Variants in C10orf53 observed in about 807,000 individuals in gnomAD.
C10orf53 encodes chromosome 10 open reading frame 53.
A neutral mutation model predicts 9.4 loss-of-function variants in C10orf53; 8 were observed. The ratio of observed to expected loss-of-function variants is 0.85; its 90% CI spans 0.50 to 1.53. C10orf53 has a LOEUF of 1.53. Among genes scored for constraint, C10orf53 ranks in the 40% most tolerant of loss-of-function variants. C10orf53 has a pLI of 0.00. For synonymous variants in C10orf53, 48 were observed against 46.0 expected (o/e 1.04, Z -0.18); for missense variants, 117 against 117.8 (o/e 0.99, Z 0.03).
intron 1 of C10orf53, among the ~76,000 whole-genome samples, chr10:49,691,177 A>AAGTG (rs1230633859): frequency 6.6e-6 from 1 of 152,082 alleles, no homozygotes; most frequent in Non-Finnish European, 1.5e-5. Flanking sequence ...CCGTGTAGAG[A>AAGTG]AGTGGCATTT....
chr10:49,685,098 G>T (rs1039909192), intron 1 of C10orf53, among the ~76,000 whole-genome samples: 7 of 151,934 alleles, frequency 4.6e-5, no homozygotes, highest in Non-Finnish European at 8.8e-5. Flanking sequence ...AAACCTCTCT[G>T]CTCTCTTTCT....
intron 1 of C10orf53, among the ~76,000 whole-genome samples, chr10:49,693,283 G>A (rs1425602943): frequency 6.6e-6 from 1 of 152,156 alleles, no homozygotes; most frequent in Non-Finnish European, 1.5e-5. Context: ...AAATCTGCCT[G>A]TATTTTTTTT....
In C10orf53 at chr10:49,696,252, G is replaced by T. The variant is rs150659117; in HGVS notation, c.*1650G>T. Among the ~76,000 whole-genome samples, 2 of 152,080 alleles carry T rather than the reference G, an allele frequency of 1.3e-5. No homozygotes were observed. The highest frequency in any genetic ancestry group is 4.8e-5 in the African/African-American group (2 of 41,400). On this transcript the variant is annotated 3_prime_UTR_variant, in exon 3 of 3. Transcript: ENST00000374111. Reference sequence around the variant, plus strand: ...AACATTTTACATAGAGCCTCTTCCCGCATGATTTGTTGACTGTCTGAGCAT... The same window carrying T: ...AACATTTTACATAGAGCCTCTTCCCTCATGATTTGTTGACTGTCTGAGCAT...
chr10:49,680,223 C>T (rs1035106523), intron 1 of C10orf53, among the ~76,000 whole-genome samples: 3 of 152,254 alleles, frequency 2.0e-5, no homozygotes, highest in Admixed American at 6.5e-5. Flanking sequence ...TGAGGACACA[C>T]TGTTAAACAG....
downstream of C10orf53, among the ~76,000 whole-genome samples, chr10:49,699,190 C>CTTTTTTTTTTTTTTTTTTTT (rs67695235): frequency 1.5e-4 from 10 of 64,870 alleles, 2 homozygotes; most frequent in African/African-American, 4.8e-4. Flanking sequence ...GTGGCTCAAT[C>CTTTTTTTTTTTTTTTTTTTT]TTTTTTTTTT....
chr10:49,705,863 C>G (rs1840719159), intron 2 of C10orf53, among the ~76,000 whole-genome samples: 1 of 151,382 alleles, frequency 6.6e-6, no homozygotes, highest in Admixed American at 6.6e-5. Context: ...TTTTAAAAAT[C>G]ATATATCTGA....
At chr10:49,694,404 A>G (rs1271341344) in intron 2 of C10orf53, 134 bp from the exon 3 acceptor site, 6 of 1,234,854 alleles carry the variant, frequency 4.9e-6, no homozygotes, top group South Asian at 1.4e-5. Flanking sequence ...CTAACACTCT[A>G]TTAAAAACTA....
intron 2 of C10orf53, among the ~76,000 whole-genome samples, chr10:49,702,622 A>G (rs962382118): frequency 1.3e-5 from 2 of 152,118 alleles, no homozygotes; most frequent in Admixed American, 1.3e-4. Context: ...GACTTAAACT[A>G]CCACCTACTC....
chr10:49,692,309 G>A (rs371350957), intron 1 of C10orf53, among the ~76,000 whole-genome samples: 1 of 152,218 alleles, frequency 6.6e-6, no homozygotes, highest in African/African-American at 2.4e-5. Context: ...GGGTACCCAG[G>A]GAGTGCTGTC....
Position 49,708,288 on chromosome 10 carries a change from G to A in C10orf53, c.218-73G>A, listed in dbSNP as rs186134352. 3,036 of 1,569,866 alleles carry A rather than the reference G, an allele frequency of 1.9e-3. 6 individuals carry two copies. Among genetic ancestry groups the A allele is most frequent in the Non-Finnish European group, 2.1e-3 (2,493 of 1,160,010 alleles). On this transcript the variant is annotated intron_variant, in intron 2 of 2. Coordinates refer to the C10orf53 transcript ENST00000374112. The stretch of plus-strand genomic sequence containing the variant: ...GCTATAGGCATAGGTGAATATGAGT[G>A]TTCAGTCGACAACAGCAGGACTCTG...
chr10:49,688,154 C>T (rs1840546650), intron 1 of C10orf53, among the ~76,000 whole-genome samples: 1 of 152,092 alleles, frequency 6.6e-6, no homozygotes, highest in African/African-American at 2.4e-5. Context: ...CCCAAATTTC[C>T]AGCTAGACCC....
At chr10:49,688,477 A>C (rs1153788) in intron 1 of C10orf53, among the ~76,000 whole-genome samples, 144,144 of 151,924 alleles carry the variant, frequency 0.95, 68,716 homozygotes, top group Middle Eastern at 1. Context: ...GTTCTCAGTA[A>C]CACAGCCAGC....
chr10:49,690,774 CTG>C (rs1218900034), intron 1 of C10orf53, among the ~76,000 whole-genome samples: 1 of 152,228 alleles, frequency 6.6e-6, no homozygotes, highest in Non-Finnish European at 1.5e-5. Context: ...CTGAGACACT[CTG>C]TGTGGCATTC....
chr10:49,708,737 C>T, exon 3 of C10orf53: 1 of 1,440,530 alleles, frequency 6.9e-7, no homozygotes, highest in South Asian at 1.4e-5. Flanking sequence ...TCCCACATCT[C>T]CCGAACCTCT....
chr10:49,681,767 G>A (rs1317749703), intron 1 of C10orf53, among the ~76,000 whole-genome samples: 15 of 152,102 alleles, frequency 9.9e-5, no homozygotes, highest in Admixed American at 9.8e-4. Flanking sequence ...CAAGCTCACT[G>A]GTGTCTCTTC....
Position 49,693,895 on chromosome 10 carries a change from T to A in C10orf53, c.217+2T>A, listed in dbSNP as rs1325143006. 1.9e-6 allele frequency: 3 copies of A among 1,614,160 alleles called. No individual in the cohort carries two copies. In the African/African-American group the frequency reaches 4.0e-5, roughly 22 times the overall value. On this transcript the variant is annotated splice_donor_variant, in intron 2 of 2. Transcript: ENST00000374111. LOFTEE classifies it high-confidence loss of function. ...GCAACATTAAGGACTTGGAGTTCGG[T>A]AAGCCCTTTGGCGATGCTTCCAGCC...
chr10:49,700,688 C>T (rs1042174450), downstream of C10orf53, among the ~76,000 whole-genome samples: 7 of 152,188 alleles, frequency 4.6e-5, no homozygotes, highest in Non-Finnish European at 1.0e-4. Flanking sequence ...TCTGCACCTA[C>T]TCCTAGGGTG....
chr10:49,693,874 C>T lies in C10orf53; in HGVS notation c.198C>T (p.Asn66=). 6.2e-7 allele frequency: 1 copy of T among 1,614,264 alleles called. No homozygotes were observed. The highest frequency in any genetic ancestry group is 1.3e-5 in the African/African-American group (1 of 75,076). The change falls in exon 2 of 3, where the codon AAC becomes AAT. Residue 66 remains asparagine (N), a synonymous_variant. Transcript: ENST00000374111. ...ATGAAGAAGTCATCTTCCACTGCAA[C>T]ATTAAGGACTTGGAGTTCGGTAAGC... ...MVNEEVIFHC[N]IKDLEFGGDG...
Position 49,696,665 on chromosome 10 carries a change from A to G in C10orf53, c.*2063A>G, listed in dbSNP as rs2132885785. Among the ~76,000 whole-genome samples the G allele has an allele frequency of 6.6e-6, 1 of 152,254 alleles. No homozygotes were observed. The highest frequency in any genetic ancestry group is 2.1e-4 in the South Asian group (1 of 4,818). On this transcript the variant is annotated 3_prime_UTR_variant, in exon 3 of 3. Transcript: ENST00000374111. ...AAGCTTCTGGGAGATGCCTGTGCCC[A>G]GAGCCCTATGTTTCAGTTTGGATCA...
Sources: allele counts gnomAD v4.1 joint callset (sites outside exome capture counted in the v4.1 genomes callset), GRCh38; gene constraint gnomAD v4.1.1; transcripts MANE v1.5; gene names NCBI Gene and HGNC (gene_info 2026-07-23, HGNC 2026-07-21).